Variants in METTL21A observed in about 807,000 individuals in gnomAD.
METTL21A encodes protein N-lysine methyltransferase METTL21A.
A neutral mutation model predicts 20.9 loss-of-function variants in METTL21A; 22 were observed. The ratio of observed to expected loss-of-function variants is 1.05; its 90% CI spans 0.75 to 1.50. The LOEUF (loss-of-function observed/expected upper bound fraction) is 1.50, where lower values mean the gene tolerates loss of function less well. METTL21A is among the 40% of genes most tolerant of loss of function. The pLI is 0.00. For missense variants in METTL21A, 271 were observed against 266.8 expected, an observed-to-expected ratio of 1.02 and a Z score of -0.11; for synonymous variants, 93 against 102.0, an observed-to-expected ratio of 0.91 and a Z score of 0.53.
In METTL21A at chr2:207,584,686, G is replaced by A. The variant is rs138013619; in HGVS notation, c.260-2526C>T. 1.1e-3 allele frequency among the ~76,000 whole-genome samples: 172 copies of A among 152,336 alleles called. No individual in the cohort carries two copies. The South Asian group carries it at 0.014, about 12-fold the overall frequency. On this transcript the variant is annotated intron_variant, in intron 3 of 3. Coordinates refer to the METTL21A transcript ENST00000425132. ...CAAAATGCTGGGATTACAGGTGTGA[G>A]CTACTGTGCCCAGCCTTCATTAGTG... is the stretch of plus-strand genomic sequence containing the variant.
At chr2:207,588,894 G>GT (rs1018007596) in intron 3 of METTL21A, among the ~76,000 whole-genome samples, 2 of 142,648 alleles carry the variant, frequency 1.4e-5, no homozygotes. Context: ...TTTGTCGGGG[G>GT]GGGTGTAGAT....
intron 3 of METTL21A, among the ~76,000 whole-genome samples, chr2:207,591,582 G>A (rs1200715170): frequency 2.6e-5 from 4 of 152,004 alleles, no homozygotes; most frequent in South Asian, 4.1e-4. Flanking sequence ...ACAGGTGTGC[G>A]CCACCACACC....
intron 3 of METTL21A, chr2:207,603,102 C>G (rs1197688690): frequency 1.4e-5 from 3 of 210,654 alleles, no homozygotes; most frequent in Non-Finnish European, 2.9e-5. Context: ...AAATAAATAA[C>G]TATAATGAGG....
At chr2:207,612,949 T>C (rs1293159515) in exon 4 of METTL21A, 1 of 1,323,076 alleles carries the variant, frequency 7.6e-7, no homozygotes, top group Non-Finnish European at 1.0e-6. Context: ...GCTTAGACTT[T>C]TTGTACAGTA....
chr2:207,614,121 CCAGGTA>C (rs1477456707), intron 3 of METTL21A, among the ~76,000 whole-genome samples: 1 of 152,096 alleles, frequency 6.6e-6, no homozygotes, highest in Non-Finnish European at 1.5e-5. Context: ...TGGGAGCAGG[CCAGGTA>C]CAGTGGCTCA....
At chr2:207,613,431 G>A in exon 4 of METTL21A, 1 of 1,593,654 alleles carries the variant, frequency 6.3e-7, no homozygotes, top group Non-Finnish European at 8.5e-7. Flanking sequence ...ATCCGTGATA[G>A]TCACATGAGC....
At chr2:207,602,699 GATGT>G (rs1457162698) in intron 3 of METTL21A, 2 of 210,030 alleles carry the variant, frequency 9.5e-6, no homozygotes, top group Non-Finnish European at 1.9e-5. Context: ...ATGCTTTATA[GATGT>G]ATTTTTATCC....
chr2:207,598,423 C>T (rs756242001), intron 3 of METTL21A: 2 of 178,484 alleles, frequency 1.1e-5, no homozygotes, highest in Non-Finnish European at 2.4e-5. Context: ...ACATTGTTTT[C>T]AATACCACTT....
At chr2:207,605,088 G>A (rs2087866368), downstream of METTL21A, among the ~76,000 whole-genome samples, 4 of 152,152 alleles carry the variant, frequency 2.6e-5, no homozygotes. Context: ...TATATGCCTG[G>A]GAGTGGAGTT....
intron 3 of METTL21A, among the ~76,000 whole-genome samples, chr2:207,589,350 C>T (rs1179847617): frequency 6.6e-6 from 1 of 152,172 alleles, no homozygotes; most frequent in Middle Eastern, 3.2e-3. Context: ...TATCTCTGTT[C>T]CCCTTCTGCA....
intron 2 of METTL21A, among the ~76,000 whole-genome samples, chr2:207,623,487 T>C (rs1406447451): frequency 2.0e-5 from 3 of 152,182 alleles, no homozygotes; most frequent in Non-Finnish European, 4.4e-5. Flanking sequence ...CAATTACAAC[T>C]ATGGAAAACT....
chr2:207,601,630 T>C (rs919377268), intron 3 of METTL21A: 3 of 209,954 alleles, frequency 1.4e-5, no homozygotes, highest in African/African-American at 2.3e-5. Context: ...TATCCATTAA[T>C]TTGTCTAGAA....
intron 3 of METTL21A, among the ~76,000 whole-genome samples, chr2:207,618,685 G>A (rs887890640): frequency 1.3e-5 from 2 of 151,426 alleles, no homozygotes; most frequent in Non-Finnish European, 3.0e-5. Flanking sequence ...TCCAGCCTGG[G>A]TGACAGAGTG....
intron 3 of METTL21A, 70 bp from the exon 4 acceptor site, chr2:207,613,513 G>C: frequency 2.2e-6 from 3 of 1,390,174 alleles, no homozygotes; most frequent in Non-Finnish European, 2.9e-6. Context: ...AGGGGGTCAA[G>C]TTAAATGTAG....
At chr2:207,618,134 A>G (rs2090016078) in intron 3 of METTL21A, among the ~76,000 whole-genome samples, 1 of 152,166 alleles carries the variant, frequency 6.6e-6, no homozygotes, top group East Asian at 1.9e-4. Context: ...ATATTTCAAG[A>G]CAGTGGTCCC....
At chr2:207,593,318 G>C (rs577734795) in intron 3 of METTL21A, among the ~76,000 whole-genome samples, 2 of 152,264 alleles carry the variant, frequency 1.3e-5, no homozygotes, top group African/African-American at 4.8e-5. Context: ...TTGAGCCCAG[G>C]AATTCAAGAC....
rs978281482 is a variant in METTL21A, at chr2:207,602,523, G to A, written c.259+19283C>T. On this transcript the variant is annotated intron_variant, in intron 3 of 3. Coordinates refer to the METTL21A transcript ENST00000425132. ...AGAAGTATGGCATTTCCAAGCTTTT[G>A]TCTGAGGAGCATCTCAGAGAAGTGA... 1.4e-5 allele frequency: 3 copies of A among 209,244 alleles called. No individual in the cohort carries two copies. In the Admixed American group the frequency reaches 1.8e-4, roughly 12 times the overall value. 13.0% of individuals were successfully genotyped at this position (209,244 alleles called of 1,614,324 possible).
downstream of METTL21A, chr2:207,609,889 A>G (rs2088681473): frequency 1.9e-4 from 2 of 10,410 alleles, 1 homozygote; most frequent in Non-Finnish European, 3.0e-4. Flanking sequence ...GCTCACTGCA[A>G]CCTCCCTGCC....
intron 3 of METTL21A, among the ~76,000 whole-genome samples, chr2:207,594,631 T>A (rs1460964343): frequency 6.6e-6 from 1 of 152,204 alleles, no homozygotes; most frequent in African/African-American, 2.4e-5. Context: ...GATGGACATT[T>A]GGGCTGCTTC....
Sources: gnomAD v4.1 joint callset for allele counts (sites outside exome capture counted in the v4.1 genomes callset) on GRCh38, gnomAD v4.1.1 for gene constraint, MANE v1.5 for transcripts, NCBI Gene and HGNC (gene_info 2026-07-23, HGNC 2026-07-21) for gene names.